Variants in DIP2A observed in about 807,000 individuals in gnomAD.
DIP2A encodes the protein DIP2 acetate--CoA ligase A.
Under a neutral mutation model 177.4 loss-of-function variants are expected in DIP2A, and 85 were observed. That is an observed-to-expected ratio of 0.48 (90% CI 0.40 to 0.57). DIP2A has a LOEUF of 0.57. Ranked by LOEUF, DIP2A falls within the 20% of genes least tolerant of loss-of-function variation. The probability of loss-of-function intolerance (pLI) is 0.00; values close to 1 mark genes in which losing one functional copy is unlikely to be tolerated. For synonymous variants in DIP2A, 886 were observed against 881.8 expected (o/e 1.00, Z -0.08); for missense variants, 1,791 against 2,100.2 (o/e 0.85, Z 2.88).
intron 1 of DIP2A, among the ~76,000 whole-genome samples, chr21:46,473,248 T>C (rs749472209): frequency 5.3e-5 from 8 of 152,084 alleles, no homozygotes; most frequent in Non-Finnish European, 8.8e-5. Context: ...TTAAAGGCTA[T>C]GGGGCAGGAG....
intron 1 of DIP2A, among the ~76,000 whole-genome samples, chr21:46,474,502 T>A (rs1014317626): frequency 6.6e-6 from 1 of 152,142 alleles, no homozygotes; most frequent in East Asian, 1.9e-4. Context: ...AGACAGAACA[T>A]GTGTGGGCAT....
At position 46,458,978 on chromosome 21, in the gene DIP2A, C is replaced by CCG; in HGVS notation, c.-154_-153insCG. The CCG allele has an allele frequency of 7.7e-6, 4 of 521,252 alleles. No individual in the cohort carries two copies. The highest frequency in any genetic ancestry group is 3.7e-5 in the East Asian group (1 of 26,746). The allele number at this position is 521,252 out of a possible 1,614,324, so 32.3% of individuals were successfully genotyped here. ...CGCTCGTGCCCGCGCGGGTGCGTTGCTGTCCTGGCCGCGCCCCTGTCCCGC... is the reference window on the plus strand; with the variant it reads ...CGCTCGTGCCCGCGCGGGTGCGTTGCCGTGTCCTGGCCGCGCCCCTGTCCCGC... On this transcript the variant is annotated 5_prime_UTR_variant, in exon 1 of 38. Coordinates refer to ENST00000417564, the MANE Select transcript of DIP2A (RefSeq NM_015151.4).
intron 1 of DIP2A, among the ~76,000 whole-genome samples, chr21:46,480,169 A>G (rs566496071): frequency 4.6e-5 from 7 of 152,000 alleles, no homozygotes; most frequent in African/African-American, 1.7e-4. Flanking sequence ...GGTAATTTAT[A>G]AAGGAAAGAG....
Position 46,556,003 on chromosome 21 carries a change from T to C in DIP2A, c.3410T>C (p.Ile1137Thr), listed in dbSNP as rs184027457. 3.7e-6 allele frequency: 6 copies of C among 1,613,722 alleles called. No individual in the cohort carries two copies. The highest frequency in any genetic ancestry group is 2.2e-5 in the South Asian group (2 of 91,060). ...LDTDDIPKKK[I>T]ASVFRPPSPD... ...ACAGATGACATCCCAAAAAAGAAGATAGCAAGCGTTTTCAGGCCCCCCTCC... is the reference window on the plus strand; with the variant it reads ...ACAGATGACATCCCAAAAAAGAAGACAGCAAGCGTTTTCAGGCCCCCCTCC... Residue 1137 changes from isoleucine (I) to threonine (T), a missense_variant, in exon 29 of 38, where the codon ATA (isoleucine) becomes ACA (threonine). By Grantham distance (89) the Ile-to-Thr change is moderately conservative. Coordinates refer to ENST00000417564, the MANE Select transcript of DIP2A (RefSeq NM_015151.4). This position sits in a 1 kb window ranked among gnomAD's most constrained non-coding sequence, Gnocchi z 4.5.
intron 5 of DIP2A, among the ~76,000 whole-genome samples, chr21:46,501,851 T>A (rs1168705229): frequency 6.6e-6 from 1 of 152,238 alleles, no homozygotes; most frequent in East Asian, 1.9e-4. Flanking sequence ...AAATTTCTTT[T>A]TAAACTAAAA....
At chr21:46,541,676 A>G in intron 17 of DIP2A, 80 bp from the exon 18 acceptor site, 1 of 1,550,310 alleles carries the variant, frequency 6.5e-7, no homozygotes, top group Non-Finnish European at 8.8e-7. Context: ...GTGCAGAATC[A>G]TGCTGCAGGC....
chr21:46,507,680 T>A lies in DIP2A; in HGVS notation c.785-1577T>A, dbSNP rs957716905. On this transcript the variant is annotated intron_variant, in intron 6 of 37. Coordinates refer to ENST00000417564, the MANE Select transcript of DIP2A (RefSeq NM_015151.4). ...GTCCTCCAACTCTGCTTTTTTTTTT[T>A]AATTTTCTGTTCTTTTTTTTTTTTT... 3.5e-4 allele frequency among the ~76,000 whole-genome samples: 51 copies of A among 146,740 alleles called. 1 individual carries two copies. The highest frequency in any genetic ancestry group is 1.5e-4 in the Non-Finnish European group (10 of 67,192).
At chr21:46,514,388 A>C (rs1216951209) in intron 8 of DIP2A, among the ~76,000 whole-genome samples, 1 of 151,540 alleles carries the variant, frequency 6.6e-6, no homozygotes, top group Non-Finnish European at 1.5e-5. Context: ...GTGAGCTGAG[A>C]TCGCACCACT....
chr21:46,534,527 C>A, intron 12 of DIP2A, 58 bp from the exon 13 acceptor site: 2 of 1,494,606 alleles, frequency 1.3e-6, no homozygotes, highest in Non-Finnish European at 9.2e-7. Flanking sequence ...AGTTTCCATT[C>A]TGTCTGTTGT....
intron 2 of DIP2A, among the ~76,000 whole-genome samples, chr21:46,485,204 T>A (rs552854966): frequency 1.4e-4 from 21 of 152,094 alleles, no homozygotes; most frequent in Admixed American, 7.9e-4. Flanking sequence ...GATTGATTTG[T>A]AGATTCAGTG....
At chr21:46,581,673 T>G in the DIP2A span, among the ~76,000 whole-genome samples, 3 of 152,158 alleles carry the variant, frequency 2.0e-5, no homozygotes, top group Non-Finnish European at 4.4e-5. Context: ...CTTTCTTTCT[T>G]TTAACAGCTA....
chr21:46,580,563 C>A, the DIP2A span, among the ~76,000 whole-genome samples: 1 of 152,120 alleles, frequency 6.6e-6, no homozygotes, highest in Non-Finnish European at 1.5e-5. Context: ...ACTTCAGTGT[C>A]TTTTTGTACA....
intron 32 of DIP2A, among the ~76,000 whole-genome samples, chr21:46,559,462 C>T (rs1191860897): frequency 6.6e-6 from 1 of 152,202 alleles, no homozygotes; most frequent in Non-Finnish European, 1.5e-5. Context: ...TCTGCTCACA[C>T]CCTCTTCACC....
intron 36 of DIP2A, 61 bp from the exon 37 acceptor site, chr21:46,566,499 G>C: frequency 6.2e-7 from 1 of 1,608,630 alleles, no homozygotes; most frequent in Non-Finnish European, 8.5e-7. Flanking sequence ...CAGAGGATAC[G>C]AATGTCCAGA....
Position 46,484,766 on chromosome 21 carries a change from C to T in DIP2A, c.101C>T (p.Thr34Ile). 6.4e-7 allele frequency: 1 copy of T among 1,574,250 alleles called. No individual in the cohort carries two copies. Among genetic ancestry groups the T allele is most frequent in the South Asian group, 1.2e-5 (1 of 84,662 alleles). The change falls in exon 2 of 38, where the codon ACT becomes ATT. Residue 34 changes from threonine (T) to isoleucine (I), a missense_variant. Transcript: ENST00000417564. ...TCCATTGTTGTTTTAGGTGACATCA[C>T]TCAAAAAGGATATGAAAAGAAAAGG... ...LELELSEGDI[T>I]QKGYEKKRAK...
intron 1 of DIP2A, among the ~76,000 whole-genome samples, chr21:46,461,341 A>G (rs965612954): frequency 3.4e-5 from 5 of 147,434 alleles, no homozygotes; most frequent in African/African-American, 1.2e-4. Context: ...AGATGCTCCT[A>G]GGCAGTCTGA....
intron 7 of DIP2A, 58 bp from the exon 8 acceptor site, chr21:46,511,359 C>A: frequency 6.7e-7 from 1 of 1,487,782 alleles, no homozygotes; most frequent in Non-Finnish European, 9.1e-7. Flanking sequence ...TGCTTAAAAA[C>A]AGAATGTGTT....
chr21:46,509,123 T>C (rs1460850451), intron 6 of DIP2A, 134 bp from the exon 7 acceptor site: 3 of 915,836 alleles, frequency 3.3e-6, no homozygotes, highest in Non-Finnish European at 4.5e-6. Flanking sequence ...CCAAAATGAC[T>C]GTCCAGTGGG....
intron 3 of DIP2A, among the ~76,000 whole-genome samples, chr21:46,491,376 T>G (rs2148480020): frequency 6.6e-6 from 1 of 152,364 alleles, no homozygotes; most frequent in South Asian, 2.1e-4. Flanking sequence ...GGATAATGGT[T>G]GTTTTAAGAA....
Sources: gnomAD v4.1 joint callset for allele counts (sites outside exome capture counted in the v4.1 genomes callset) on GRCh38, gnomAD v4.1.1 for gene constraint, Gnocchi (gnomAD v3.1) non-coding constraint, MANE v1.5 for transcripts, NCBI Gene and HGNC (gene_info 2026-07-23, HGNC 2026-07-21) for gene names.